CHCHD6: variants seen among roughly 807,000 people sequenced by gnomAD.
CHCHD6 encodes MICOS complex subunit MIC25.
In CHCHD6, 28 loss-of-function variants were observed where a neutral mutation model predicts 32.3. The ratio of observed to expected loss-of-function variants is 0.87; its 90% confidence interval spans 0.64 to 1.19. CHCHD6 has a LOEUF of 1.19. CHCHD6 is among the 50% of genes most tolerant of loss of function. The pLI, the probability that CHCHD6 is intolerant of heterozygous loss-of-function variation, is 0.00. For synonymous variants in CHCHD6, 122 were observed against 117.5 expected (o/e 1.04, Z -0.25); for missense variants, 333 against 307.0 (o/e 1.08, Z -0.63).
intron 4 of CHCHD6, among the ~76,000 whole-genome samples, chr3:126,740,194 T>C (rs1936232255): frequency 6.6e-6 from 1 of 152,202 alleles, no homozygotes; most frequent in African/African-American, 2.4e-5. Context: ...CAGACTATTT[T>C]ATAGGCCCTA....
chr3:126,862,224 C>A (rs1941931729), intron 5 of CHCHD6, among the ~76,000 whole-genome samples: 2 of 128,440 alleles, frequency 1.6e-5, no homozygotes, highest in Non-Finnish European at 1.7e-5. Context: ...TCACCACCTC[C>A]TCCTCCTCCT....
chr3:126,940,912 T>A (rs553576194), intron 6 of CHCHD6, among the ~76,000 whole-genome samples: 2 of 152,364 alleles, frequency 1.3e-5, no homozygotes, highest in African/African-American at 4.8e-5. Context: ...TATTCATTTT[T>A]AACAGGTCTT....
At chr3:126,797,638 C>G (rs1415830528) in intron 4 of CHCHD6, among the ~76,000 whole-genome samples, 1 of 152,144 alleles carries the variant, frequency 6.6e-6, no homozygotes, top group African/African-American at 2.4e-5. Flanking sequence ...AAGTTACTAC[C>G]TATTTGTTAA....
rs546179022 is a variant in CHCHD6 at position 126,913,207 on chromosome 3, C to CTTTT, written c.496-1439_496-1436dup. 1.2e-3 allele frequency among the ~76,000 whole-genome samples: 42 copies of CTTTT among 33,786 alleles called. 11 individuals carry two copies. The highest frequency in any genetic ancestry group is 2.9e-3 in the African/African-American group (22 of 7,642). The allele number at this position is 33,786 out of a possible 152,430, so 22.2% of individuals were successfully genotyped here. A position where few individuals can be genotyped will look rare whatever the true frequency, so the allele number is the denominator to read the frequency against. On this transcript the variant is annotated intron_variant, in intron 5 of 7. Transcript: ENST00000290913. ...GGATAATCATGCTGCCCGTATGAGCCTTTTTTTTTTTTTTTTTTTTTTTTT... is the reference window on the plus strand; with the variant it reads ...GGATAATCATGCTGCCCGTATGAGCCTTTTTTTTTTTTTTTTTTTTTTTTTTTTT...
intron 4 of CHCHD6, among the ~76,000 whole-genome samples, chr3:126,789,438 C>T (rs1405187215): frequency 1.3e-5 from 2 of 152,016 alleles, no homozygotes; most frequent in Admixed American, 1.3e-4. Context: ...AGTCTCCCAT[C>T]ATTGTTGTGT....
At chr3:126,728,533 A>G (rs1010645400) in intron 2 of CHCHD6, among the ~76,000 whole-genome samples, 3 of 152,170 alleles carry the variant, frequency 2.0e-5, no homozygotes, top group Non-Finnish European at 4.4e-5. Flanking sequence ...GAGATTCCCG[A>G]AAACCCTCCA....
At chr3:126,715,112 C>T (rs1355562846) in intron 1 of CHCHD6, among the ~76,000 whole-genome samples, 3 of 152,106 alleles carry the variant, frequency 2.0e-5, no homozygotes, top group Non-Finnish European at 1.5e-5. Context: ...ATAAAGCAGT[C>T]GGTGGAGGAA....
chr3:126,704,395 T>C lies in CHCHD6; in HGVS notation c.83T>C (p.Val28Ala). The C allele has an allele frequency of 1.9e-6, 3 of 1,538,470 alleles. No individual in the cohort carries two copies. In the African/African-American group the frequency reaches 4.2e-5, roughly 22 times the overall value. Residue 28 changes from valine to alanine, a missense_variant, in exon 1 of 8, where the codon GTC becomes GCC. Val to Ala is a moderately conservative substitution (Grantham distance 64). Coordinates refer to ENST00000290913, the MANE Select transcript of CHCHD6 (RefSeq NM_032343.3). ...GAGCGGGTCCGGGTGCTGCAGGGTG[T>C]CCGGGTGAGCGGCGCCGCCTGGGCC... ...EEERVRVLQG[V>A]RLSENVVNRM...
intron 1 of CHCHD6, among the ~76,000 whole-genome samples, chr3:126,714,916 C>G (rs1934938442): frequency 6.6e-6 from 1 of 152,196 alleles, no homozygotes; most frequent in African/African-American, 2.4e-5. Context: ...ACTGTGTGAA[C>G]TTTCAATGCA....
chr3:126,779,352 CAT>C (rs2107680344), intron 4 of CHCHD6, among the ~76,000 whole-genome samples: 1 of 152,102 alleles, frequency 6.6e-6, no homozygotes, highest in African/African-American at 2.4e-5. Context: ...GCCTGACCAA[CAT>C]AGTGAAACCC....
At chr3:126,860,460 G>T (rs138907223) in intron 5 of CHCHD6, among the ~76,000 whole-genome samples, 2 of 151,718 alleles carry the variant, frequency 1.3e-5, no homozygotes, top group African/African-American at 2.4e-5. Flanking sequence ...TTGGGGAAAG[G>T]GGGGAGGGAT....
chr3:126,733,660 C>A (rs972747655), intron 4 of CHCHD6, among the ~76,000 whole-genome samples: 5 of 152,160 alleles, frequency 3.3e-5, no homozygotes, highest in Admixed American at 2.0e-4. Flanking sequence ...CCTGGACACC[C>A]TGTCTGTGAG....
At chr3:126,887,053 C>T (rs933663094) in intron 5 of CHCHD6, among the ~76,000 whole-genome samples, 2 of 152,176 alleles carry the variant, frequency 1.3e-5, no homozygotes, top group African/African-American at 4.8e-5. Context: ...GATAAATGTT[C>T]TATCTGTAGT....
chr3:126,743,355 T>G (rs1936358143), intron 4 of CHCHD6, among the ~76,000 whole-genome samples: 1 of 152,210 alleles, frequency 6.6e-6, no homozygotes, highest in Non-Finnish European at 1.5e-5. Context: ...ATCACAGGTC[T>G]GCGGATGCCT....
intron 5 of CHCHD6, among the ~76,000 whole-genome samples, chr3:126,864,088 TCCA>T (rs1452946158): frequency 5.7e-5 from 8 of 140,038 alleles, no homozygotes; most frequent in African/African-American, 2.2e-4. Flanking sequence ...CACCACCTCC[TCCA>T]CCACCATTAC....
intron 5 of CHCHD6, among the ~76,000 whole-genome samples, chr3:126,863,171 T>TCACCACCTCCCCCTCCTCCAC (rs1942020819): frequency 1.5e-5 from 1 of 65,680 alleles, no homozygotes; most frequent in African/African-American, 5.9e-5. Context: ...TCCTCCACCA[T>TCACCACCTCCCCCTCCTCCAC]CACCACCTCC....
At chr3:126,861,457 C>G (rs1941860986) in intron 5 of CHCHD6, among the ~76,000 whole-genome samples, 1 of 151,898 alleles carries the variant, frequency 6.6e-6, no homozygotes, top group Non-Finnish European at 1.5e-5. Context: ...CCAGGAGGAG[C>G]TCTCAGTAAG....
At chr3:126,863,390 C>T (rs867133882) in intron 5 of CHCHD6, among the ~76,000 whole-genome samples, 42 of 109,940 alleles carry the variant, frequency 3.8e-4, no homozygotes, top group African/African-American at 6.1e-4. Flanking sequence ...TCTACCATCA[C>T]CACCTCCTCC....
At chr3:126,866,450 T>C (rs1417664085) in intron 5 of CHCHD6, among the ~76,000 whole-genome samples, 39 of 152,210 alleles carry the variant, frequency 2.6e-4, no homozygotes, top group Non-Finnish European at 2.9e-5. Context: ...AACAAGCCTG[T>C]GAGGAAGGGA....
Sources: allele counts gnomAD v4.1 joint callset (sites outside exome capture counted in the v4.1 genomes callset), GRCh38; gene constraint gnomAD v4.1.1; transcripts MANE v1.5; gene names NCBI Gene and HGNC (gene_info 2026-07-23, HGNC 2026-07-21).